Variants in CAMK4 observed in about 807,000 individuals in gnomAD.
The protein encoded by CAMK4 is calcium/calmodulin dependent protein kinase IV, also known as calcium/calmodulin-dependent protein kinase type IV.
A neutral mutation model predicts 44.9 loss-of-function variants in CAMK4; 22 were observed. The observed-to-expected ratio is 0.49, with a 90% CI of 0.35 to 0.70. CAMK4 has a LOEUF of 0.70. CAMK4 is among the 30% of genes least tolerant of loss of function. The pLI is 0.01. For synonymous variants in CAMK4, 218 were observed against 215.4 expected (o/e 1.01, Z -0.11); for missense variants, 498 against 586.8 (o/e 0.85, Z 1.56).
intron 1 of CAMK4, among the ~76,000 whole-genome samples, chr5:111,323,161 A>T (rs1748733579): frequency 6.6e-6 from 1 of 152,146 alleles, no homozygotes. Context: ...TGAACAGCAA[A>T]CATGGTAAAT....
chr5:111,298,282 T>G (rs1382798831), intron 1 of CAMK4, among the ~76,000 whole-genome samples: 1 of 152,210 alleles, frequency 6.6e-6, no homozygotes, highest in East Asian at 1.9e-4. Flanking sequence ...GGAAAATAGT[T>G]TGCAATAAAA....
chr5:111,243,165 G>C (rs1280924403), intron 1 of CAMK4, among the ~76,000 whole-genome samples: 1 of 152,198 alleles, frequency 6.6e-6, no homozygotes, highest in African/African-American at 2.4e-5. Flanking sequence ...GTCCTGCAGT[G>C]GGGAAGAGAA....
At chr5:111,382,274 A>G (rs1751446219) in intron 4 of CAMK4, among the ~76,000 whole-genome samples, 1 of 152,124 alleles carries the variant, frequency 6.6e-6, no homozygotes, top group Admixed American at 6.5e-5. Flanking sequence ...TCTGTACTTC[A>G]GCATTTCTAG....
chr5:111,327,253 G>T (rs549641858), intron 1 of CAMK4, among the ~76,000 whole-genome samples: 131 of 151,754 alleles, frequency 8.6e-4, no homozygotes, highest in Middle Eastern at 3.4e-3. Context: ...GTGAGAACAT[G>T]TGGTGTTTGG....
chr5:111,433,108 T>G (rs1056672082), intron 5 of CAMK4, among the ~76,000 whole-genome samples: 13 of 152,212 alleles, frequency 8.5e-5, no homozygotes, highest in Non-Finnish European at 1.5e-5. Context: ...TTATAAAGTG[T>G]TCCAGTCACT....
chr5:111,356,219 AT>A (rs1323005669), intron 2 of CAMK4, among the ~76,000 whole-genome samples: 2 of 150,508 alleles, frequency 1.3e-5, no homozygotes, highest in Middle Eastern at 3.4e-3. Flanking sequence ...ATGGTATCCC[AT>A]TGTGGTTTTG....
chr5:111,459,896 C>G (rs972734498), intron 7 of CAMK4, among the ~76,000 whole-genome samples: 1 of 151,908 alleles, frequency 6.6e-6, no homozygotes, highest in African/African-American at 2.4e-5. Flanking sequence ...TTCTGGGTCT[C>G]CAGACCATAA....
chr5:111,422,219 A>G (rs1043892786), intron 5 of CAMK4, among the ~76,000 whole-genome samples: 1 of 152,210 alleles, frequency 6.6e-6, no homozygotes, highest in Non-Finnish European at 1.5e-5. Flanking sequence ...CAAACTTGCT[A>G]CTTCCCTTCA....
intron 5 of CAMK4, among the ~76,000 whole-genome samples, chr5:111,406,194 T>TTCTC (rs10524853): frequency 0.33 from 45,527 of 136,524 alleles, 7,896 homozygotes; most frequent in Middle Eastern, 0.47. Context: ...CTAATTTATT[T>TTCTC]TCTCTCTCTC....
chr5:111,470,581 AT>A (rs1755029451), intron 7 of CAMK4, among the ~76,000 whole-genome samples: 1 of 152,254 alleles, frequency 6.6e-6, no homozygotes, highest in East Asian at 1.9e-4. Context: ...AACAGCAGCC[AT>A]TTAGTCTATC....
intron 1 of CAMK4, among the ~76,000 whole-genome samples, chr5:111,227,056 A>G (rs1347137052): frequency 6.6e-6 from 1 of 152,182 alleles, no homozygotes; most frequent in Non-Finnish European, 1.5e-5. Context: ...AGTAAAGCGT[A>G]TTGTTAGGTA....
intron 6 of CAMK4, 97 bp downstream of exon 6, chr5:111,446,873 T>G (rs1754050293): frequency 1.3e-6 from 1 of 768,614 alleles, no homozygotes; most frequent in South Asian, 1.4e-5. Context: ...CAGTTTTACA[T>G]CCATTCAGTT....
At chr5:111,259,168 A>G (rs1749871844) in intron 1 of CAMK4, among the ~76,000 whole-genome samples, 1 of 152,234 alleles carries the variant, frequency 6.6e-6, no homozygotes, top group South Asian at 2.1e-4. Context: ...TATCTTCCCT[A>G]AACATACAGA....
rs1312007428 is a variant in CAMK4 at position 111,488,940 on chromosome 5, G to A, written c.*4474G>A. On this transcript the variant is annotated 3_prime_UTR_variant, in exon 11 of 11. Coordinates refer to ENST00000282356, the MANE Select transcript of CAMK4 (RefSeq NM_001744.6). Reference sequence around the variant, plus strand: ...TTCCAGATAGTAACCTATGTAAAAGGATTTGTAATTTCCTTGTAATTCCTG... The same window carrying A: ...TTCCAGATAGTAACCTATGTAAAAGAATTTGTAATTTCCTTGTAATTCCTG... 1 of 152,108 alleles carries A rather than the reference G, an allele frequency of 6.6e-6. No homozygotes were observed. The highest frequency in any genetic ancestry group is 1.9e-4 in the East Asian group (1 of 5,204). The allele number at this position is 152,108 out of a possible 1,614,324, so 9.4% of individuals were successfully genotyped here. A position where few individuals can be genotyped will look rare whatever the true frequency, so the allele number is the denominator to read the frequency against.
intron 2 of CAMK4, among the ~76,000 whole-genome samples, chr5:111,361,364 A>G (rs1750583370): frequency 6.6e-6 from 1 of 152,048 alleles, no homozygotes; most frequent in Non-Finnish European, 1.5e-5. Context: ...GTGCCCCTTT[A>G]ATCACTCAAA....
At chr5:111,250,311 A>G (rs1185116393) in intron 1 of CAMK4, among the ~76,000 whole-genome samples, 1 of 152,204 alleles carries the variant, frequency 6.6e-6, no homozygotes, top group Non-Finnish European at 1.5e-5. Flanking sequence ...GGAGAGAATC[A>G]TGTTGCTTTC....
chr5:111,239,563 T>G (rs1373217382), intron 1 of CAMK4, among the ~76,000 whole-genome samples: 1 of 152,182 alleles, frequency 6.6e-6, no homozygotes, highest in East Asian at 1.9e-4. Flanking sequence ...AGGACAAGTT[T>G]TGGAGTTAGA....
chr5:111,235,552 G>C lies in CAMK4; in HGVS notation c.161+10908G>C, dbSNP rs537225066. Among the ~76,000 whole-genome samples, 4 of 152,294 alleles carry C rather than the reference G, an allele frequency of 2.6e-5. No individual in the cohort carries two copies. In the South Asian group the frequency reaches 8.3e-4, roughly 32 times the overall value. On this transcript the variant is annotated intron_variant, in intron 1 of 10. Coordinates refer to ENST00000282356, the MANE Select transcript of CAMK4 (RefSeq NM_001744.6). ...AATGAGGTAAACTCGTGAGCTCTCTGAGTGCAACCTGTAACTGGAGGCAAA... is the reference window on the plus strand; with the variant it reads ...AATGAGGTAAACTCGTGAGCTCTCTCAGTGCAACCTGTAACTGGAGGCAAA...
intron 7 of CAMK4, chr5:111,449,811 T>C (rs1320051205): frequency 6.6e-6 from 1 of 152,244 alleles, no homozygotes; most frequent in Non-Finnish European, 1.5e-5. Context: ...CATACTAGCA[T>C]AAAACCTGCT....
Sources: gnomAD v4.1 joint callset for allele counts (sites outside exome capture counted in the v4.1 genomes callset) on GRCh38, gnomAD v4.1.1 for gene constraint, MANE v1.5 for transcripts, NCBI Gene and HGNC (gene_info 2026-07-23, HGNC 2026-07-21) for gene names.